Variants in LRCH1 observed in about 807,000 individuals in gnomAD.
LRCH1 encodes leucine-rich repeat and calponin homology domain-containing protein 1.
In LRCH1, 23 loss-of-function variants were observed where a neutral mutation model predicts 94.9. The ratio of observed to expected loss-of-function variants is 0.24; its 90% CI spans 0.17 to 0.34. The LOEUF (loss-of-function observed/expected upper bound fraction) is 0.34. Ranked by LOEUF, LRCH1 falls within the 10% of genes least tolerant of loss-of-function variation. The pLI, the probability that LRCH1 is intolerant of heterozygous loss-of-function variation, is 1.00. For missense variants in LRCH1, 790 were observed against 945.9 expected, an observed-to-expected ratio of 0.84 and a Z score of 2.16; for synonymous variants, 364 against 354.9, an observed-to-expected ratio of 1.03 and a Z score of -0.29.
intron 1 of LRCH1, among the ~76,000 whole-genome samples, chr13:46,560,867 G>A (rs1177303346): frequency 1.3e-5 from 2 of 152,128 alleles, no homozygotes; most frequent in Non-Finnish European, 2.9e-5. Context: ...TCCATATTCT[G>A]CAGTAAGAAA....
intron 6 of LRCH1, among the ~76,000 whole-genome samples, chr13:46,688,198 T>C (rs916433555): frequency 6.6e-6 from 1 of 152,246 alleles, no homozygotes; most frequent in Non-Finnish European, 1.5e-5. Flanking sequence ...ATTGAGAATA[T>C]TTTGGTATAT....
At chr13:46,648,911 A>G (rs58153226) in intron 1 of LRCH1, among the ~76,000 whole-genome samples, 13,446 of 152,216 alleles carry the variant, frequency 0.088, 693 homozygotes, top group Middle Eastern at 0.16. Flanking sequence ...ATGATCATAT[A>G]TCATTTCACT....
intron 9 of LRCH1, among the ~76,000 whole-genome samples, chr13:46,697,838 C>T (rs1436730092): frequency 6.6e-6 from 1 of 151,642 alleles, no homozygotes; most frequent in Non-Finnish European, 1.5e-5. Flanking sequence ...AACCATTTAG[C>T]TTAGCAAAAG....
chr13:46,694,203 G>A (rs1025788558), intron 8 of LRCH1, among the ~76,000 whole-genome samples: 3 of 152,194 alleles, frequency 2.0e-5, no homozygotes, highest in African/African-American at 7.2e-5. Context: ...CTAGATGTGG[G>A]TATTGCATTG....
At chr13:46,669,453 T>TCTGTAAA (rs2051568146) in intron 3 of LRCH1, among the ~76,000 whole-genome samples, 2 of 152,190 alleles carry the variant, frequency 1.3e-5, no homozygotes, top group Non-Finnish European at 2.9e-5. Context: ...AGATTGCATA[T>TCTGTAAA]AAATTTGTAA....
intron 16 of LRCH1, among the ~76,000 whole-genome samples, chr13:46,722,137 C>G (rs1226435158): frequency 6.6e-6 from 1 of 152,148 alleles, no homozygotes; most frequent in Non-Finnish European, 1.5e-5. Flanking sequence ...ATTACACATT[C>G]TTTCTTATTC....
chr13:46,664,957 A>T (rs759412886), intron 2 of LRCH1, among the ~76,000 whole-genome samples: 5 of 152,124 alleles, frequency 3.3e-5, no homozygotes, highest in Non-Finnish European at 5.9e-5. Context: ...TTAGTCTGGG[A>T]GGGGCAGTCT....
At chr13:46,651,859 C>T (rs932671514) in intron 2 of LRCH1, among the ~76,000 whole-genome samples, 2 of 148,710 alleles carry the variant, frequency 1.3e-5, no homozygotes, top group Non-Finnish European at 3.0e-5. Context: ...GGCCACCAGG[C>T]CTGCTGATGT....
At chr13:46,717,803 A>T (rs1872396952) in intron 16 of LRCH1, 2 of 151,926 alleles carry the variant, frequency 1.3e-5, no homozygotes. Context: ...CCTTTTTTTA[A>T]AATTCTTTCA....
intron 1 of LRCH1, among the ~76,000 whole-genome samples, chr13:46,564,585 C>G (rs1015121018): frequency 6.6e-6 from 1 of 152,198 alleles, no homozygotes; most frequent in African/African-American, 2.4e-5. Context: ...AGTCAGGGAT[C>G]CACTTGGACC....
chr13:46,711,795 A>G lies in LRCH1; in HGVS notation c.1532A>G (p.Gln511Arg). Reference protein sequence around the residue: ...QLETSPVCEVQSDLTLQSNGS... With the variant: ...QLETSPVCEVRSDLTLQSNGS... ...GCTTTGTTCTTCTTTTTTAAGGTGCAAAGTGATCTAACATTACAGAGTAAC... is the reference window on the plus strand; with the variant it reads ...GCTTTGTTCTTCTTTTTTAAGGTGCGAAGTGATCTAACATTACAGAGTAAC... The change falls in exon 14 of 20, where the codon CAA becomes CGA. Residue 511 changes from glutamine (Q) to arginine (R), a missense_variant. Transcript: ENST00000389797. The G allele has an allele frequency of 6.2e-7, 1 of 1,612,938 alleles. No homozygotes were observed. The highest frequency in any genetic ancestry group is 8.5e-7 in the Non-Finnish European group (1 of 1,179,250).
At chr13:46,621,754 G>C (rs1182171647) in intron 1 of LRCH1, among the ~76,000 whole-genome samples, 2 of 152,176 alleles carry the variant, frequency 1.3e-5, no homozygotes, top group Admixed American at 6.5e-5. Flanking sequence ...TATAATAAGA[G>C]AGTTAGTAGC....
intron 1 of LRCH1, among the ~76,000 whole-genome samples, chr13:46,631,197 T>C (rs936277973): frequency 6.6e-6 from 1 of 152,228 alleles, no homozygotes; most frequent in African/African-American, 2.4e-5. Context: ...TAGCAAACAT[T>C]TCCCTCAAAC....
At chr13:46,645,400 T>C (rs893450809) in intron 1 of LRCH1, among the ~76,000 whole-genome samples, 23 of 152,244 alleles carry the variant, frequency 1.5e-4, no homozygotes, top group African/African-American at 5.5e-4. Flanking sequence ...TGCCAATATT[T>C]AATTACAGTA....
chr13:46,688,051 C>G, intron 6 of LRCH1, 72 bp downstream of exon 6: 8 of 1,430,970 alleles, frequency 5.6e-6, no homozygotes, highest in Non-Finnish European at 6.5e-6. Flanking sequence ...TAGCTGACTT[C>G]AAAATCTGTT....
chr13:46,712,468 A>G, intron 14 of LRCH1, 57 bp from the exon 15 acceptor site: 2 of 1,289,022 alleles, frequency 1.6e-6, no homozygotes, highest in East Asian at 2.3e-5. Flanking sequence ...AACCATACAT[A>G]GTTCTTCTGT....
At chr13:46,581,286 A>G (rs1297042292) in intron 1 of LRCH1, among the ~76,000 whole-genome samples, 3 of 152,180 alleles carry the variant, frequency 2.0e-5, no homozygotes, top group African/African-American at 7.2e-5. Context: ...CTCTGTGTGC[A>G]ACTGGAGTAT....
chr13:46,604,268 T>TG (rs2050664009), intron 1 of LRCH1, among the ~76,000 whole-genome samples: 1 of 152,138 alleles, frequency 6.6e-6, no homozygotes, highest in South Asian at 2.1e-4. Context: ...CAACCCTAAC[T>TG]GGGGTGGGGA....
At chr13:46,683,502 G>A (rs1003741741) in intron 4 of LRCH1, among the ~76,000 whole-genome samples, 5 of 152,028 alleles carry the variant, frequency 3.3e-5, no homozygotes, top group Non-Finnish European at 7.3e-5. Flanking sequence ...AGCACAAAAG[G>A]AAAGCTTATT....
Sources: allele counts gnomAD v4.1 joint callset (sites outside exome capture counted in the v4.1 genomes callset), GRCh38; gene constraint gnomAD v4.1.1; transcripts MANE v1.5; gene names NCBI Gene and HGNC (gene_info 2026-07-23, HGNC 2026-07-21).